FBXL20: variants seen among roughly 807,000 people sequenced by gnomAD.
FBXL20 encodes the protein F-box and leucine rich repeat protein 20.
FBXL20 carries 11 observed loss-of-function variants against 64.0 expected under a neutral mutation model. That is an observed-to-expected ratio of 0.17 (90% CI 0.11 to 0.28). The LOEUF (loss-of-function observed/expected upper bound fraction) is 0.28, where lower values mean the gene tolerates loss of function less well. Among genes scored for constraint, FBXL20 ranks in the 10% least tolerant of loss-of-function variants. FBXL20 has a pLI of 1.00. For missense variants in FBXL20, 303 were observed against 526.2 expected (o/e 0.58, Z 4.15); for synonymous variants, 184 against 189.0 (o/e 0.97, Z 0.22).
chr17:39,335,302 A>G (rs1311923200), intron 2 of FBXL20, among the ~76,000 whole-genome samples: 1 of 151,684 alleles, frequency 6.6e-6, no homozygotes, highest in African/African-American at 2.4e-5. Context: ...TTTTTGTTCA[A>G]GGCTCAGTCC....
chr17:39,331,281 A>G (rs1302203417), intron 2 of FBXL20, among the ~76,000 whole-genome samples: 2 of 151,994 alleles, frequency 1.3e-5, no homozygotes, highest in Non-Finnish European at 2.9e-5. Flanking sequence ...TTGTATTTTT[A>G]GTAGAGATGG....
At chr17:39,302,237 G>A (rs540563268) in intron 3 of FBXL20, among the ~76,000 whole-genome samples, 6 of 151,744 alleles carry the variant, frequency 4.0e-5, no homozygotes, top group South Asian at 4.2e-4. Context: ...CTTGAGACAC[G>A]GTGTCACTGT....
chr17:39,383,590 CTT>C (rs545087479), intron 1 of FBXL20, among the ~76,000 whole-genome samples: 97 of 128,470 alleles, frequency 7.6e-4, no homozygotes, highest in Middle Eastern at 3.9e-3. Flanking sequence ...ACTTTATATG[CTT>C]TTTTTTTTTT....
At chr17:39,381,489 A>AAT (rs1252121683) in intron 1 of FBXL20, among the ~76,000 whole-genome samples, 1 of 151,462 alleles carries the variant, frequency 6.6e-6, no homozygotes, top group East Asian at 1.9e-4. Context: ...CAAAAAAAAA[A>AAT]AAAAAAAAAA....
chr17:39,390,699 C>T (rs945273852), intron 1 of FBXL20, among the ~76,000 whole-genome samples: 1 of 152,114 alleles, frequency 6.6e-6, no homozygotes, highest in Non-Finnish European at 1.5e-5. Flanking sequence ...TGCATTCCAA[C>T]CTGGGTGATA....
In FBXL20 at chr17:39,265,455, TGAAA is replaced by T; in HGVS notation, c.934-6_934-3del. 1 of 1,600,482 alleles carries T rather than the reference TGAAA, an allele frequency of 6.2e-7. No individual in the cohort carries two copies. The highest frequency in any genetic ancestry group is 8.6e-7 in the Non-Finnish European group (1 of 1,167,700). The stretch of plus-strand genomic sequence containing the variant: ...TTGGATTAATGTGCTATCTGTTATC[TGAAA>T]GAAATAACGTATGTTGATTTTAGGT... On this transcript the variant is annotated splice_polypyrimidine_tract_variant and splice_region_variant and intron_variant, in intron 12 of 14. Coordinates refer to ENST00000264658, the MANE Select transcript of FBXL20 (RefSeq NM_032875.3).
At chr17:39,328,777 G>A (rs1301550780) in intron 2 of FBXL20, among the ~76,000 whole-genome samples, 2 of 152,198 alleles carry the variant, frequency 1.3e-5, no homozygotes, top group Non-Finnish European at 2.9e-5. Flanking sequence ...TCATGGCTAG[G>A]CACAGTTGCT....
chr17:39,267,530 T>C lies in FBXL20; in HGVS notation c.933+1297A>G, dbSNP rs141112378. On this transcript the variant is annotated intron_variant, in intron 12 of 14. Coordinates refer to ENST00000264658, the MANE Select transcript of FBXL20 (RefSeq NM_032875.3). ...GAAAAAAATTAATGTTGGAACATCC[T>C]AAAATTTTTAATAAAGCATGCCACT... 2.9e-3 allele frequency among the ~76,000 whole-genome samples: 435 copies of C among 152,328 alleles called. 3 individuals are homozygous for C. In the Middle Eastern group the frequency reaches 0.061, roughly 21 times the overall value.
chr17:39,266,065 CTTTTTTTTTTTTTTTTT>C (rs34822405), intron 12 of FBXL20, among the ~76,000 whole-genome samples: 3 of 62,752 alleles, frequency 4.8e-5, no homozygotes, highest in African/African-American at 1.8e-4. Context: ...CTCATTCATT[CTTTTTTTTTTTTTTTTT>C]TTTTTTTTGA....
chr17:39,396,360 CTGAGA>C (rs763958070), intron 1 of FBXL20, among the ~76,000 whole-genome samples: 60 of 152,148 alleles, frequency 3.9e-4, no homozygotes, highest in Non-Finnish European at 6.6e-4. Context: ...CTTCGGGAGG[CTGAGA>C]TGGGTGTATC....
At chr17:39,361,366 A>T (rs1198808950) in intron 1 of FBXL20, among the ~76,000 whole-genome samples, 1 of 152,178 alleles carries the variant, frequency 6.6e-6, no homozygotes. Flanking sequence ...ATGATAAAGT[A>T]ACATGAGAGA....
chr17:39,363,508 T>C (rs2047820008), intron 1 of FBXL20, among the ~76,000 whole-genome samples: 1 of 151,776 alleles, frequency 6.6e-6, no homozygotes, highest in South Asian at 2.1e-4. Flanking sequence ...AAGCCACATG[T>C]CTATACAAAC....
At position 39,260,681 on chromosome 17, in the gene FBXL20, C is replaced by T. The variant is rs1318878028; in HGVS notation, c.*779G>A. The T allele has an allele frequency of 3.3e-5, 5 of 152,566 alleles. No individual in the cohort carries two copies. The highest frequency in any genetic ancestry group is 4.8e-5 in the African/African-American group (2 of 41,404). 9.5% of individuals were successfully genotyped at this position (152,566 alleles called of 1,614,324 possible). A position where few individuals can be genotyped will look rare whatever the true frequency, so the allele number is the denominator to read the frequency against. On this transcript the variant is annotated 3_prime_UTR_variant, in exon 15 of 15. Coordinates refer to ENST00000264658, the MANE Select transcript of FBXL20 (RefSeq NM_032875.3). ...TCATTCAAAATGCAAACTGTAAACA[C>T]GACAACAGCAAAAGGGTAACAATTG...
intron 14 of FBXL20, among the ~76,000 whole-genome samples, chr17:39,262,188 A>G (rs1035289899): frequency 2.0e-5 from 3 of 152,158 alleles, no homozygotes; most frequent in Non-Finnish European, 4.4e-5. Flanking sequence ...CTATGTCTGA[A>G]GAGGGGAAGA....
At chr17:39,318,319 T>C (rs1178642168) in intron 2 of FBXL20, among the ~76,000 whole-genome samples, 1 of 152,190 alleles carries the variant, frequency 6.6e-6, no homozygotes, top group Non-Finnish European at 1.5e-5. Context: ...TGATAGGATG[T>C]GGTAAGAATC....
chr17:39,261,416 GTGT>G lies in FBXL20; in HGVS notation c.*41_*43del. On this transcript the variant is annotated 3_prime_UTR_variant, in exon 15 of 15. Transcript: ENST00000264658. ...GAGAGACTCCACGGTAGCTCTAGAA[GTGT>G]CATTAAATACTCAGTTCGCCAAGGT... The G allele has an allele frequency of 6.9e-7, 1 of 1,458,954 alleles. No homozygotes were observed. Among genetic ancestry groups the G allele is most frequent in the South Asian group, 1.1e-5 (1 of 87,842 alleles). The allele number at this position is 1,458,954 out of a possible 1,614,324, so 90.4% of individuals were successfully genotyped here. A position where few individuals can be genotyped will look rare whatever the true frequency, so the allele number is the denominator to read the frequency against.
intron 1 of FBXL20, among the ~76,000 whole-genome samples, chr17:39,355,701 A>G (rs1028916833): frequency 4.0e-5 from 6 of 151,750 alleles, no homozygotes; most frequent in Non-Finnish European, 8.8e-5. Flanking sequence ...CTAAAAATAC[A>G]AAAATTAGCT....
rs371657819 is a variant in FBXL20 at position 39,382,239 on chromosome 17, C to T, written c.42+19122G>A. Among the ~76,000 whole-genome samples the T allele has an allele frequency of 1.3e-3, 203 of 151,694 alleles. 1 individual carries two copies. Among genetic ancestry groups the T allele is most frequent in the African/African-American group, 3.2e-3 (132 of 41,370 alleles). ...TGGGCAGATCACAAGGTAAGGAGAT[C>T]GAGACCATCCTGGCTAACACGGTGA... On this transcript the variant is annotated intron_variant, in intron 1 of 14. Transcript: ENST00000264658.
chr17:39,346,752 T>C (rs1333120909), intron 1 of FBXL20, among the ~76,000 whole-genome samples: 1 of 152,166 alleles, frequency 6.6e-6, no homozygotes, highest in Non-Finnish European at 1.5e-5. Context: ...TGCAGGTTTA[T>C]TACATATGTA....
Sources: allele counts gnomAD v4.1 joint callset (sites outside exome capture counted in the v4.1 genomes callset), GRCh38; gene constraint gnomAD v4.1.1; transcripts MANE v1.5; gene names NCBI Gene and HGNC (gene_info 2026-07-23, HGNC 2026-07-21).